Variants in ARHGEF10L observed in about 807,000 individuals in gnomAD.
The protein encoded by ARHGEF10L is Rho guanine nucleotide exchange factor 10 like.
ARHGEF10L carries 69 observed loss-of-function variants against 141.2 expected under a neutral mutation model. The ratio of observed to expected loss-of-function variants is 0.49; its 90% confidence interval spans 0.40 to 0.60. ARHGEF10L has a LOEUF of 0.60. Among genes scored for constraint, ARHGEF10L ranks in the 20% least tolerant of loss-of-function variants. The pLI is 0.00. For synonymous variants in ARHGEF10L, 711 were observed against 718.5 expected, an observed-to-expected ratio of 0.99 and a Z score of 0.17; for missense variants, 1,482 against 1,734.3, an observed-to-expected ratio of 0.85 and a Z score of 2.58.
intron 27 of ARHGEF10L, 143 bp from the exon 28 acceptor site, chr1:17,695,015 C>T: frequency 8.0e-7 from 1 of 1,253,052 alleles, no homozygotes; most frequent in African/African-American, 1.5e-5. Flanking sequence ...TCCAAAGCCC[C>T]AGCTCTTCCC....
chr1:17,611,831 C>T (rs11585753), intron 7 of ARHGEF10L, among the ~76,000 whole-genome samples: 14 of 152,330 alleles, frequency 9.2e-5, no homozygotes, highest in Middle Eastern at 3.4e-3. Flanking sequence ...AGAACTCACA[C>T]TCTTGATCCT....
At chr1:17,672,826 G>A (rs2063407182) in intron 26 of ARHGEF10L, among the ~76,000 whole-genome samples, 1 of 152,026 alleles carries the variant, frequency 6.6e-6, no homozygotes, top group Non-Finnish European at 1.5e-5. Context: ...GACCCCATAG[G>A]GCCTTCTTAT....
At chr1:17,516,714 G>A in the ARHGEF10L span, among the ~76,000 whole-genome samples, 302 of 152,246 alleles carry the variant, frequency 2.0e-3, 1 homozygote, top group Admixed American at 3.6e-3. Context: ...GGTGGGAGGG[G>A]GCAGCATCAT....
intron 21 of ARHGEF10L, among the ~76,000 whole-genome samples, chr1:17,641,800 G>A (rs138218529): frequency 0.014 from 2,063 of 151,960 alleles, 59 homozygotes; most frequent in African/African-American, 0.047. Flanking sequence ...CCAACATGGT[G>A]AAACCCCATC....
intron 27 of ARHGEF10L, among the ~76,000 whole-genome samples, chr1:17,690,962 A>G (rs2065058909): frequency 6.6e-6 from 1 of 152,210 alleles, no homozygotes; most frequent in Admixed American, 6.5e-5. Context: ...AAATAATTGC[A>G]TAATTAGTAA....
chr1:17,618,300 T>G, intron 9 of ARHGEF10L: 1 of 1,140,474 alleles, frequency 8.8e-7, no homozygotes, highest in African/African-American at 1.7e-5. Flanking sequence ...GAAGTGACCC[T>G]CCCTGCAGAG....
the ARHGEF10L span, among the ~76,000 whole-genome samples, chr1:17,516,616 G>A: frequency 6.6e-6 from 1 of 152,298 alleles, no homozygotes. Context: ...CTTCCCAGGT[G>A]GAGCTCTGGG....
intron 26 of ARHGEF10L, among the ~76,000 whole-genome samples, chr1:17,671,476 C>T (rs751094055): frequency 6.6e-6 from 1 of 152,174 alleles, no homozygotes; most frequent in Non-Finnish European, 1.5e-5. Flanking sequence ...GACCTGCACC[C>T]GCACCAGCCT....
At chr1:17,590,247 T>C (rs1405141601) in intron 4 of ARHGEF10L, among the ~76,000 whole-genome samples, 1 of 152,090 alleles carries the variant, frequency 6.6e-6, no homozygotes, top group African/African-American at 2.4e-5. Flanking sequence ...TTCATAGGAA[T>C]GATCTGATTG....
intron 21 of ARHGEF10L, among the ~76,000 whole-genome samples, chr1:17,645,186 G>A (rs1368189843): frequency 6.6e-6 from 1 of 152,138 alleles, no homozygotes; most frequent in Non-Finnish European, 1.5e-5. Flanking sequence ...GTCGGTGCCA[G>A]TTCTTAATGT....
intron 26 of ARHGEF10L, among the ~76,000 whole-genome samples, chr1:17,668,425 C>T (rs1040495767): frequency 6.6e-6 from 1 of 152,216 alleles, no homozygotes; most frequent in Admixed American, 6.5e-5. Flanking sequence ...TGCCCCTTGC[C>T]AGCCGTAGTG....
intron 26 of ARHGEF10L, among the ~76,000 whole-genome samples, chr1:17,670,061 G>A (rs1176117104): frequency 6.6e-6 from 1 of 152,266 alleles, no homozygotes; most frequent in Non-Finnish European, 1.5e-5. Flanking sequence ...GAAGGAAGAG[G>A]GGAAGTGATG....
At chr1:17,524,364 TACACACACACACAC>T in the ARHGEF10L span, among the ~76,000 whole-genome samples, 1,043 of 116,002 alleles carry the variant, frequency 9.0e-3, 16 homozygotes, top group African/African-American at 0.018. Context: ...ACCCCGTCTC[TACACACACACACAC>T]ACACACACAC....
At chr1:17,669,375 C>T (rs939278969) in intron 26 of ARHGEF10L, among the ~76,000 whole-genome samples, 2 of 152,170 alleles carry the variant, frequency 1.3e-5, no homozygotes, top group Non-Finnish European at 2.9e-5. Context: ...TTCCTTTGGA[C>T]CAGAAATGAG....
intron 4 of ARHGEF10L, among the ~76,000 whole-genome samples, chr1:17,595,118 A>G (rs551554396): frequency 1.3e-5 from 2 of 152,056 alleles, no homozygotes; most frequent in African/African-American, 4.8e-5. Flanking sequence ...TAATCCTACC[A>G]TGATGTGTTT....
At chr1:17,602,420 C>T (rs1221896204) in intron 5 of ARHGEF10L, among the ~76,000 whole-genome samples, 2 of 152,222 alleles carry the variant, frequency 1.3e-5, no homozygotes, top group African/African-American at 4.8e-5. Context: ...TTTTCATCTG[C>T]TCCTCAAATA....
At chr1:17,585,148 T>C (rs1482004220) in intron 2 of ARHGEF10L, among the ~76,000 whole-genome samples, 1 of 152,164 alleles carries the variant, frequency 6.6e-6, no homozygotes, top group African/African-American at 2.4e-5. Flanking sequence ...AATCCCCTAA[T>C]TAAACTTATG....
At chr1:17,692,596 C>T (rs1374333367) in intron 27 of ARHGEF10L, among the ~76,000 whole-genome samples, 1 of 152,176 alleles carries the variant, frequency 6.6e-6, no homozygotes, top group African/African-American at 2.4e-5. Context: ...TTGGGCTCTC[C>T]TCACCTCACT....
rs776039790 is a variant in ARHGEF10L at position 17,543,264 on chromosome 1, G to A, written c.-44+3314G>A. 4.1e-4 allele frequency among the ~76,000 whole-genome samples: 62 copies of A among 152,188 alleles called. 1 individual carries two copies. ...TTGCTAAATTTTAGGAATTTTATGAGCCGGTTGTTAAACACAACCATTATA... is the reference window on the plus strand; with the variant it reads ...TTGCTAAATTTTAGGAATTTTATGAACCGGTTGTTAAACACAACCATTATA... On this transcript the variant is annotated intron_variant, in intron 1 of 28. Coordinates refer to ENST00000361221, the MANE Select transcript of ARHGEF10L (RefSeq NM_018125.4).
Sources: allele counts gnomAD v4.1 joint callset (sites outside exome capture counted in the v4.1 genomes callset), GRCh38; gene constraint gnomAD v4.1.1; transcripts MANE v1.5; gene names NCBI Gene and HGNC (gene_info 2026-07-23, HGNC 2026-07-21).